NEIL3: variants seen among roughly 807,000 people sequenced by gnomAD.
The protein encoded by NEIL3 is endonuclease 8-like 3.
In NEIL3, 48 loss-of-function variants were observed where a neutral mutation model predicts 57.5. The observed-to-expected ratio is 0.83, with a 90% CI of 0.66 to 1.06. The LOEUF (loss-of-function observed/expected upper bound fraction) is 1.06. Ranked by LOEUF, NEIL3 falls within the 50% of genes least tolerant of loss-of-function variation. The pLI is 0.00. For missense variants in NEIL3, 717 were observed against 739.1 expected, an observed-to-expected ratio of 0.97 and a Z score of 0.35; for synonymous variants, 261 against 253.2, an observed-to-expected ratio of 1.03 and a Z score of -0.29.
chr4:177,328,112 T>C (rs1315545616), intron 2 of NEIL3, among the ~76,000 whole-genome samples: 1 of 152,046 alleles, frequency 6.6e-6, no homozygotes, highest in African/African-American at 2.4e-5. Flanking sequence ...TTGTTATTGG[T>C]ATAACATCAA....
At chr4:177,356,305 T>C (rs1185277180) in intron 8 of NEIL3, among the ~76,000 whole-genome samples, 1 of 152,190 alleles carries the variant, frequency 6.6e-6, no homozygotes, top group Non-Finnish European at 1.5e-5. Flanking sequence ...CCATTAGTAA[T>C]AGGATCATAT....
intron 1 of NEIL3, among the ~76,000 whole-genome samples, chr4:177,314,177 T>G (rs1419844635): frequency 6.6e-6 from 1 of 152,182 alleles, no homozygotes; most frequent in Non-Finnish European, 1.5e-5. Flanking sequence ...CTAATAATGA[T>G]TTATCCTTAA....
At chr4:177,320,726 C>G (rs1734668821) in intron 1 of NEIL3, among the ~76,000 whole-genome samples, 2 of 152,000 alleles carry the variant, frequency 1.3e-5, no homozygotes, top group Admixed American at 1.3e-4. Context: ...CTCGACCTCC[C>G]AAAGTGCTGA....
intron 2 of NEIL3, among the ~76,000 whole-genome samples, chr4:177,323,648 T>C (rs1734728820): frequency 6.6e-6 from 1 of 152,210 alleles, no homozygotes; most frequent in African/African-American, 2.4e-5. Flanking sequence ...CAGGTTACAC[T>C]GCTGCTGTAG....
intron 1 of NEIL3, 128 bp downstream of exon 1, chr4:177,310,237 A>T: frequency 9.2e-7 from 1 of 1,081,200 alleles, no homozygotes; most frequent in Admixed American, 3.9e-5. Flanking sequence ...CCCACCTTTC[A>T]CAGAGTTTAT....
At chr4:177,328,924 TTGCATATCATTTGAAGATA>T (rs1309529831) in intron 2 of NEIL3, among the ~76,000 whole-genome samples, 1 of 152,172 alleles carries the variant, frequency 6.6e-6, no homozygotes, top group Non-Finnish European at 1.5e-5. Context: ...AATATACGTT[TTGCATATCATTTGAAGATA>T]TGCATATCAT....
chr4:177,325,180 T>G (rs1306214375), intron 2 of NEIL3, among the ~76,000 whole-genome samples: 4 of 152,130 alleles, frequency 2.6e-5, no homozygotes, highest in Non-Finnish European at 5.9e-5. Flanking sequence ...CTCAAACCAG[T>G]TATGCAAGAG....
Position 177,310,089 on chromosome 4 carries a change from AC to A in NEIL3, c.137del (p.Thr46ArgfsTer11). 1.9e-6 allele frequency: 3 copies of A among 1,593,468 alleles called. No homozygotes were observed. The highest frequency in any genetic ancestry group is 2.6e-6 in the Non-Finnish European group (3 of 1,171,662). ...QGRALRLAAS[T>X]VVVSPQAAAL... ...CCGCGCCTTGCGGCTCGCAGCCTCC[AC>A]GGTTGTGGTCTCCCCGCAGGTGAGC... On this transcript the variant is annotated frameshift_variant, in exon 1 of 10. Coordinates refer to ENST00000264596, the MANE Select transcript of NEIL3 (RefSeq NM_018248.3). LOFTEE classifies it high-confidence loss of function.
intron 6 of NEIL3, among the ~76,000 whole-genome samples, chr4:177,345,476 T>A (rs1735196496): frequency 1.4e-5 from 2 of 142,332 alleles, no homozygotes; most frequent in Non-Finnish European, 3.1e-5. Flanking sequence ...TTTTTTTTTT[T>A]ATTATTATTA....
chr4:177,323,456 A>G lies in NEIL3; in HGVS notation c.278+876A>G, dbSNP rs908012183. ...ATACTATATGATTGTTCTTTATTGC[A>G]TCTCATCTACCACATATTTAGAGTA... On this transcript the variant is annotated intron_variant, in intron 2 of 9. Transcript: ENST00000264596. Among the ~76,000 whole-genome samples the G allele has an allele frequency of 3.9e-5, 6 of 152,178 alleles. No homozygotes were observed. In the South Asian group the frequency reaches 6.2e-4, roughly 16 times the overall value.
At chr4:177,356,947 AC>A (rs1735485601) in intron 8 of NEIL3, 2 of 152,338 alleles carry the variant, frequency 1.3e-5, no homozygotes, top group African/African-American at 4.8e-5. Context: ...GCAAAGGCTC[AC>A]ATAGGAGGGT....
intron 2 of NEIL3, among the ~76,000 whole-genome samples, chr4:177,334,755 C>T (rs1259013449): frequency 2.0e-5 from 3 of 152,102 alleles, no homozygotes; most frequent in Non-Finnish European, 2.9e-5. Flanking sequence ...CATGGTGCTC[C>T]GCAATTAGAA....
chr4:177,365,983 A>G (rs1417788413), downstream of NEIL3, among the ~76,000 whole-genome samples: 1 of 152,138 alleles, frequency 6.6e-6, no homozygotes, highest in East Asian at 1.9e-4. Flanking sequence ...ACCAAGACCC[A>G]CCCTAAGATG....
At chr4:177,324,688 C>T (rs902287509) in intron 2 of NEIL3, among the ~76,000 whole-genome samples, 7 of 152,192 alleles carry the variant, frequency 4.6e-5, no homozygotes, top group African/African-American at 9.6e-5. Flanking sequence ...ACAACACAAA[C>T]GTCACTTGAA....
intron 9 of NEIL3, among the ~76,000 whole-genome samples, chr4:177,361,855 T>A (rs1735613497): frequency 6.6e-6 from 1 of 152,066 alleles, no homozygotes. Context: ...CAAACTCTTG[T>A]GCTCAAGCTA....
intron 4 of NEIL3, among the ~76,000 whole-genome samples, chr4:177,337,812 GTGGTGAAACCATCCTGGCCAACA>G (rs1380217363): frequency 6.6e-6 from 1 of 152,008 alleles, no homozygotes; most frequent in East Asian, 1.9e-4. Flanking sequence ...CCTGGCCAAC[GTGGTGAAACCATCCTGGCCAACA>G]TGGTGAAACC....
chr4:177,318,140 C>T (rs1045627306), intron 1 of NEIL3, among the ~76,000 whole-genome samples: 1 of 152,148 alleles, frequency 6.6e-6, no homozygotes, highest in East Asian at 1.9e-4. Flanking sequence ...CTTATAGGCT[C>T]ATTTACCACA....
rs747427616 is a variant in NEIL3 at position 177,341,495 on chromosome 4, C to G, written c.722C>G (p.Ala241Gly). ...TTTTAGTGCCGTAAAGCAGGACTTGCTCTCTCTAAACACTATAAGGTTTAC... is the reference window on the plus strand; with the variant it reads ...TTTTAGTGCCGTAAAGCAGGACTTGGTCTCTCTAAACACTATAAGGTTTAC... ...LFYRCRKAGL[A>G]LSKHYKVYKR... Residue 241 changes from alanine to glycine, a missense_variant, in exon 6 of 10, where the codon GCT becomes GGT. Transcript: ENST00000264596. 2.5e-6 allele frequency: 4 copies of G among 1,582,054 alleles called. No individual in the cohort carries two copies. In the East Asian group the frequency reaches 6.9e-5, roughly 27 times the overall value.
chr4:177,317,618 T>TTTTTTTTC (rs1734600740), intron 1 of NEIL3, among the ~76,000 whole-genome samples: 1 of 142,718 alleles, frequency 7.0e-6, no homozygotes, highest in Non-Finnish European at 1.5e-5. Flanking sequence ...TTTTTTTTTT[T>TTTTTTTTC]TTTGAGATGG....
Sources: gnomAD v4.1 joint callset for allele counts (sites outside exome capture counted in the v4.1 genomes callset) on GRCh38, gnomAD v4.1.1 for gene constraint, MANE v1.5 for transcripts, NCBI Gene and HGNC (gene_info 2026-07-23, HGNC 2026-07-21) for gene names.